Variants in PRR5 observed in about 807,000 individuals in gnomAD.
The protein encoded by PRR5 is proline rich 5, also known as proline-rich protein 5.
A neutral mutation model predicts 30.6 loss-of-function variants in PRR5; 25 were observed. The observed-to-expected ratio is 0.82, with a 90% CI of 0.60 to 1.14. PRR5 has a LOEUF of 1.14. PRR5 is among the 50% of genes most tolerant of loss of function. PRR5 has a pLI of 0.00. For synonymous variants in PRR5, 286 were observed against 247.1 expected, an observed-to-expected ratio of 1.16 and a Z score of -1.48; for missense variants, 600 against 547.1, an observed-to-expected ratio of 1.10 and a Z score of -0.96.
upstream of PRR5, among the ~76,000 whole-genome samples, chr22:44,699,839 G>C (rs758770575): frequency 4.6e-5 from 7 of 152,244 alleles, no homozygotes; most frequent in Non-Finnish European, 7.3e-5. Context: ...CCTCCGAGGA[G>C]TCAAGGATCT....
intron 4 of PRR5, among the ~76,000 whole-genome samples, chr22:44,728,257 C>T (rs994912636): frequency 7.2e-5 from 11 of 152,230 alleles, no homozygotes; most frequent in Non-Finnish European, 1.3e-4. Context: ...GAGTCTGAGG[C>T]CCTGGCCTCC....
chr22:44,688,792 A>T (rs955022507), intron 1 of PRR5, among the ~76,000 whole-genome samples: 5 of 152,124 alleles, frequency 3.3e-5, no homozygotes, highest in African/African-American at 9.7e-5. Flanking sequence ...GTTCGAGACC[A>T]GCCTGGCCCA....
Position 44,725,592 on chromosome 22 carries a change from T to C in PRR5, c.264+300T>C, listed in dbSNP as rs544465830. Among the ~76,000 whole-genome samples the C allele has an allele frequency of 2.0e-5, 3 of 152,348 alleles. No homozygotes were observed. In the East Asian group the frequency reaches 5.8e-4, roughly 29 times the overall value. ...TTCAAGTGATTCTCACACCTTAGCC[T>C]CCTGATTAGCTGGGATTACAGGTGC... On this transcript the variant is annotated intron_variant, in intron 3 of 7. Coordinates refer to ENST00000336985, the MANE Select transcript of PRR5 (RefSeq NM_181333.4).
intron 1 of PRR5, among the ~76,000 whole-genome samples, chr22:44,696,627 C>T (rs1019430560): frequency 6.6e-6 from 1 of 152,120 alleles, no homozygotes; most frequent in African/African-American, 2.4e-5. Context: ...CAGATGGAGT[C>T]CTGGTAGCTC....
chr22:44,729,357 C>T (rs377533373), intron 4 of PRR5: 36 of 985,114 alleles, frequency 3.7e-5, no homozygotes, highest in Non-Finnish European at 4.3e-5. Context: ...AAAGGAAAGA[C>T]GGACACCAGC....
chr22:44,685,778 A>G (rs1452258088), intron 1 of PRR5, among the ~76,000 whole-genome samples: 7 of 152,278 alleles, frequency 4.6e-5, no homozygotes, highest in African/African-American at 1.2e-4. Context: ...CCAAGCACCA[A>G]GGGTGGGGCT....
chr22:44,705,533 C>G (rs993759390), intron 1 of PRR5, among the ~76,000 whole-genome samples: 3 of 151,906 alleles, frequency 2.0e-5, no homozygotes, highest in African/African-American at 7.3e-5. Flanking sequence ...CCATGTTGGT[C>G]AGGCTAGTCT....
rs868520932 is a variant in PRR5 at position 44,730,171 on chromosome 22, G to A, written c.323-1559G>A. 36 of 985,148 alleles carry A rather than the reference G, an allele frequency of 3.7e-5. No individual in the cohort carries two copies. In the African/African-American group the frequency reaches 5.2e-4, roughly 14 times the overall value. The allele number at this position is 985,148 out of a possible 1,614,324, so 61.0% of individuals were successfully genotyped here. On this transcript the variant is annotated intron_variant, in intron 4 of 7. Coordinates refer to ENST00000336985, the MANE Select transcript of PRR5 (RefSeq NM_181333.4). ...AAGCTGGGGGCTTCCGGGAGTGGGG[G>A]CAGGGCCCAGAGAGTGAGAAAAAGG...
intron 4 of PRR5, chr22:44,731,137 G>T (rs1452212761): frequency 3.7e-6 from 1 of 272,262 alleles, no homozygotes; most frequent in East Asian, 1.1e-4. Flanking sequence ...AGTTGAAACT[G>T]CTGTGCCAGG....
Position 44,702,228 on chromosome 22 carries a change from G to C in PRR5, c.-247G>C. ...CGGCCTCCGTTTGCGCCGGGTCTGT[G>C]CTGGCCGCGCGCCTGGCGCTCCACG... is the stretch of plus-strand genomic sequence containing the variant. On this transcript the variant is annotated 5_prime_UTR_variant, in exon 1 of 8. Coordinates refer to ENST00000336985, the MANE Select transcript of PRR5 (RefSeq NM_181333.4). The C allele has an allele frequency of 3.6e-6, 4 of 1,109,912 alleles. No individual in the cohort carries two copies. Among genetic ancestry groups the C allele is most frequent in the Non-Finnish European group, 4.4e-6 (4 of 909,174 alleles). The allele number at this position is 1,109,912 out of a possible 1,614,324, so 68.8% of individuals were successfully genotyped here. A position where few individuals can be genotyped will look rare whatever the true frequency, so the allele number is the denominator to read the frequency against.
At chr22:44,670,017 C>T (rs1179094053) in intron 1 of PRR5, among the ~76,000 whole-genome samples, 2 of 152,180 alleles carry the variant, frequency 1.3e-5, no homozygotes, top group African/African-American at 2.4e-5. Flanking sequence ...AATTCCTGGT[C>T]CCTGTCCTGA....
chr22:44,697,553 T>A (rs896569383), upstream of PRR5, among the ~76,000 whole-genome samples: 7 of 152,188 alleles, frequency 4.6e-5, no homozygotes, highest in Non-Finnish European at 5.9e-5. Flanking sequence ...AAGGCACTTT[T>A]GGGTCGGCTT....
intron 1 of PRR5, among the ~76,000 whole-genome samples, 170 bp downstream of exon 1, chr22:44,702,778 A>G (rs922430257): frequency 2.0e-5 from 3 of 152,046 alleles, no homozygotes; most frequent in Admixed American, 6.5e-5. Flanking sequence ...GCCTGGAGGA[A>G]AGTTCAGTGC....
At chr22:44,717,720 T>C (rs1929295518) in intron 2 of PRR5, among the ~76,000 whole-genome samples, 1 of 150,716 alleles carries the variant, frequency 6.6e-6, no homozygotes, top group Non-Finnish European at 1.5e-5. Context: ...TGCTTTGCTT[T>C]TTTTTTTTTT....
At chr22:44,708,857 C>T (rs1927665388) in intron 1 of PRR5, among the ~76,000 whole-genome samples, 1 of 149,820 alleles carries the variant, frequency 6.7e-6, no homozygotes, top group Non-Finnish European at 1.5e-5. Context: ...GTCCTAGCTA[C>T]TCAGGAGGCT....
intron 1 of PRR5, among the ~76,000 whole-genome samples, chr22:44,711,610 ACTGCGAGC>A (rs1345011011): frequency 6.6e-6 from 1 of 152,154 alleles, no homozygotes; most frequent in Non-Finnish European, 1.5e-5. Flanking sequence ...CCTGGGGCCC[ACTGCGAGC>A]CTTGGAGGCC....
At chr22:44,728,661 C>T (rs536791047) in intron 4 of PRR5, among the ~76,000 whole-genome samples, 214 of 152,338 alleles carry the variant, frequency 1.4e-3, no homozygotes, top group Middle Eastern at 0.01. Context: ...TAGCCACCTC[C>T]ACATCCTGAT....
At chr22:44,675,305 C>T (rs557621825), upstream of PRR5, among the ~76,000 whole-genome samples, 1 of 152,184 alleles carries the variant, frequency 6.6e-6, no homozygotes, top group Admixed American at 6.5e-5. Context: ...GTTGCCCAGG[C>T]TGGTTTTGAA....
chr22:44,701,796 G>T (rs1439259364), upstream of PRR5, among the ~76,000 whole-genome samples: 1 of 152,218 alleles, frequency 6.6e-6, no homozygotes, highest in Non-Finnish European at 1.5e-5. Context: ...AACTGGGTGG[G>T]GGAGCCTGTG....
Sources: gnomAD v4.1 joint callset for allele counts (sites outside exome capture counted in the v4.1 genomes callset) on GRCh38, gnomAD v4.1.1 for gene constraint, MANE v1.5 for transcripts, NCBI Gene and HGNC (gene_info 2026-07-23, HGNC 2026-07-21) for gene names.